Variants in P2RX5 observed in about 807,000 individuals in gnomAD.
The protein encoded by P2RX5 is purinergic receptor P2X 5, also known as P2X purinoceptor 5.
Under a neutral mutation model 54.1 loss-of-function variants are expected in P2RX5, and 46 were observed. That is an observed-to-expected ratio of 0.85 (90% CI 0.67 to 1.09). P2RX5 has a LOEUF of 1.09. Among genes scored for constraint, P2RX5 ranks in the 50% least tolerant of loss-of-function variants. The pLI, the probability that P2RX5 is intolerant of heterozygous loss-of-function variation, is 0.00. For synonymous variants in P2RX5, 226 were observed against 226.4 expected (o/e 1.00, Z 0.02); for missense variants, 566 against 549.8 (o/e 1.03, Z -0.29).
chr17:3,690,695 G>A lies in P2RX5; in HGVS notation c.361-15C>T, dbSNP rs2050588909. The A allele has an allele frequency of 6.2e-7, 1 of 1,612,366 alleles. No homozygotes were observed. The highest frequency in any genetic ancestry group is 8.5e-7 in the Non-Finnish European group (1 of 1,179,590). On this transcript the variant is annotated splice_polypyrimidine_tract_variant and intron_variant, in intron 3 of 11. Transcript: ENST00000225328. Reference sequence around the variant, plus strand: ...ATGCCTTCATTCTGCCAGGAGAGAAGGGGCACCTGGATGGGGGGGTTCCCC... The same window carrying A: ...ATGCCTTCATTCTGCCAGGAGAGAAAGGGCACCTGGATGGGGGGGTTCCCC...
At chr17:3,682,042 C>T in intron 9 of P2RX5, 64 bp from the exon 10 acceptor site, 4 of 1,134,500 alleles carry the variant, frequency 3.5e-6, no homozygotes, top group East Asian at 4.8e-5. Flanking sequence ...ATTTAGGGCA[C>T]TTTGCCCCTT....
chr17:3,711,370 C>CTTTTTTTTTTTTTTTTTTTTTT, the P2RX5 span, among the ~76,000 whole-genome samples: 38 of 63,092 alleles, frequency 6.0e-4, 7 homozygotes, highest in Non-Finnish European at 7.9e-4. Flanking sequence ...AGCACTCATT[C>CTTTTTTTTTTTTTTTTTTTTTT]TTTTTTTTTT....
At chr17:3,719,063 C>T in the P2RX5 span, among the ~76,000 whole-genome samples, 12 of 150,858 alleles carry the variant, frequency 8.0e-5, no homozygotes, top group Admixed American at 2.0e-4. Context: ...GAAATCCTGT[C>T]TCTATTTAAA....
chr17:3,676,105 G>A, intron 11 of P2RX5: 4 of 985,470 alleles, frequency 4.1e-6, no homozygotes, highest in Non-Finnish European at 4.8e-6. Flanking sequence ...GACTGGTTGA[G>A]TGAGGGCGGC....
chr17:3,674,602 CT>C (rs1216044359), intron 11 of P2RX5, among the ~76,000 whole-genome samples: 5 of 152,214 alleles, frequency 3.3e-5, no homozygotes, highest in Non-Finnish European at 7.3e-5. Flanking sequence ...AAGGGGCAAC[CT>C]TGCAGCTAAA....
At chr17:3,700,656 A>C (rs1384102718), upstream of P2RX5, among the ~76,000 whole-genome samples, 1 of 152,110 alleles carries the variant, frequency 6.6e-6, no homozygotes, top group Non-Finnish European at 1.5e-5. Context: ...TCCAAATCGC[A>C]TGTTGAAATG....
At chr17:3,714,634 GA>G in the P2RX5 span, 1 of 437,820 alleles carries the variant, frequency 2.3e-6, no homozygotes, top group Non-Finnish European at 4.0e-6. Flanking sequence ...CTACTGCAAA[GA>G]AAAGTGTAAA....
At chr17:3,688,165 C>CCACATCAGTGCTGCCTAA in intron 8 of P2RX5, 60 bp from the exon 9 acceptor site, 1 of 900,600 alleles carries the variant, frequency 1.1e-6, no homozygotes, top group Non-Finnish European at 1.8e-6. Context: ...CTTTAGGCAG[C>CCACATCAGTGCTGCCTAA]ACTGATGTGG....
intron 1 of P2RX5, among the ~76,000 whole-genome samples, chr17:3,695,443 T>C (rs1373825453): frequency 6.6e-6 from 1 of 152,044 alleles, no homozygotes; most frequent in Non-Finnish European, 1.5e-5. Flanking sequence ...TGACACCCTG[T>C]GATTATAAAT....
the P2RX5 span, among the ~76,000 whole-genome samples, chr17:3,708,532 A>G: frequency 6.6e-6 from 1 of 152,196 alleles, no homozygotes; most frequent in Non-Finnish European, 1.5e-5. Context: ...AACTGAAACT[A>G]TAATTATATA....
intron 1 of P2RX5, among the ~76,000 whole-genome samples, chr17:3,694,370 A>C (rs1234443232): frequency 6.6e-6 from 1 of 151,964 alleles, no homozygotes; most frequent in Non-Finnish European, 1.5e-5. Flanking sequence ...TGCCCAGCTA[A>C]TTGTTGTGTA....
the P2RX5 span, among the ~76,000 whole-genome samples, chr17:3,706,844 T>C: frequency 3.3e-5 from 5 of 152,068 alleles, no homozygotes; most frequent in Admixed American, 3.3e-4. Flanking sequence ...TCTCCTGACC[T>C]GGTGATCCGC....
chr17:3,675,797 C>T (rs1292455895), intron 11 of P2RX5: 12 of 915,974 alleles, frequency 1.3e-5, no homozygotes, highest in African/African-American at 1.8e-5. Context: ...GTGATCCACC[C>T]GCCTCGGCCT....
At chr17:3,678,550 T>G (rs545871254) in intron 11 of P2RX5, among the ~76,000 whole-genome samples, 1 of 152,168 alleles carries the variant, frequency 6.6e-6, no homozygotes, top group Non-Finnish European at 1.5e-5. Context: ...TACGGACCCC[T>G]AGCCTCCAGC....
the P2RX5 span, among the ~76,000 whole-genome samples, chr17:3,722,130 G>T: frequency 6.6e-6 from 1 of 151,468 alleles, no homozygotes; most frequent in Non-Finnish European, 1.5e-5. Context: ...AGTGAGCCGA[G>T]ATCGTGCCAT....
At chr17:3,696,268 T>C (rs1343660808), upstream of P2RX5, 1 of 257,694 alleles carries the variant, frequency 3.9e-6, no homozygotes. Flanking sequence ...CTACCTCTTC[T>C]TCCTCCTCCT....
At chr17:3,695,747 AC>A in intron 1 of P2RX5, 121 bp downstream of exon 1, 1 of 1,206,794 alleles carries the variant, frequency 8.3e-7, no homozygotes. Flanking sequence ...AGGCTCACAG[AC>A]CCCCAGCTAC....
Position 3,676,259 on chromosome 17 carries a change from G to A in P2RX5, c.1260-2382C>T, listed in dbSNP as rs1050299805. ...CAGCTCCCAAGCCCAACATCGAAACGTACTTCATGTCCATTTTTGACAGGG... is the reference window on the plus strand; with the variant it reads ...CAGCTCCCAAGCCCAACATCGAAACATACTTCATGTCCATTTTTGACAGGG... On this transcript the variant is annotated intron_variant, in intron 11 of 11. Coordinates refer to ENST00000225328, the MANE Select transcript of P2RX5 (RefSeq NM_002561.4). 1.3e-5 allele frequency: 13 copies of A among 985,396 alleles called. No individual in the cohort carries two copies. In the African/African-American group the frequency reaches 1.7e-4, roughly 13 times the overall value. The allele number at this position is 985,396 out of a possible 1,614,324, so 61.0% of individuals were successfully genotyped here. A position where few individuals can be genotyped will look rare whatever the true frequency, so the allele number is the denominator to read the frequency against.
the P2RX5 span, among the ~76,000 whole-genome samples, chr17:3,708,186 G>T: frequency 6.6e-6 from 1 of 151,966 alleles, no homozygotes; most frequent in Non-Finnish European, 1.5e-5. Flanking sequence ...TACTTAGGAA[G>T]ACTGTTTTTC....
Sources: gnomAD v4.1 joint callset for allele counts (sites outside exome capture counted in the v4.1 genomes callset) on GRCh38, gnomAD v4.1.1 for gene constraint, MANE v1.5 for transcripts, NCBI Gene and HGNC (gene_info 2026-07-23, HGNC 2026-07-21) for gene names.